The following MRTFB variants were observed in gnomAD, a reference collection of about 807,000 sequenced individuals.
MRTFB encodes myocardin-related transcription factor B.
MRTFB carries 29 observed loss-of-function variants against 104.2 expected under a neutral mutation model. That is an observed-to-expected ratio of 0.28 (90% CI 0.21 to 0.38). MRTFB has a LOEUF of 0.38. MRTFB is among the 10% of genes least tolerant of loss of function. The probability of loss-of-function intolerance (pLI) is 1.00; values close to 1 mark genes in which losing one functional copy is unlikely to be tolerated. For synonymous variants in MRTFB, 535 were observed against 519.5 expected (o/e 1.03, Z -0.41); for missense variants, 1,270 against 1,341.6 (o/e 0.95, Z 0.83).
chr16:14,232,653 G>A (rs1476524086), intron 8 of MRTFB, among the ~76,000 whole-genome samples: 1 of 152,198 alleles, frequency 6.6e-6, no homozygotes, highest in East Asian at 1.9e-4. Flanking sequence ...GCTGACAAGG[G>A]CATGCACGAT....
intron 2 of MRTFB, among the ~76,000 whole-genome samples, chr16:14,097,346 A>G (rs771853052): frequency 6.6e-6 from 1 of 152,242 alleles, no homozygotes; most frequent in Admixed American, 6.5e-5. Context: ...TGAAGCTAAT[A>G]AACAGACCAC....
the MRTFB span, among the ~76,000 whole-genome samples, chr16:14,003,828 G>A: frequency 2.0e-5 from 3 of 152,146 alleles, no homozygotes; most frequent in Non-Finnish European, 2.9e-5. Flanking sequence ...GAGACGATAG[G>A]GAATGGTGAG....
intron 13 of MRTFB, among the ~76,000 whole-genome samples, chr16:14,251,103 G>A (rs889544077): frequency 6.6e-5 from 10 of 152,098 alleles, no homozygotes; most frequent in Admixed American, 4.6e-4. Flanking sequence ...TAGGCCGGGC[G>A]CGGTGGCTCA....
chr16:14,179,021 G>T (rs537073733), intron 3 of MRTFB, among the ~76,000 whole-genome samples: 4 of 152,200 alleles, frequency 2.6e-5, no homozygotes, highest in African/African-American at 9.6e-5. Context: ...GGAATTACAG[G>T]CATGAGCCAC....
intron 3 of MRTFB, among the ~76,000 whole-genome samples, chr16:14,173,425 A>G (rs1197493407): frequency 6.6e-6 from 1 of 152,122 alleles, no homozygotes; most frequent in Non-Finnish European, 1.5e-5. Context: ...TTTCTTCCTA[A>G]GAGTTTTTAT....
intron 2 of MRTFB, among the ~76,000 whole-genome samples, chr16:14,131,474 AT>A (rs563997491): frequency 6.6e-6 from 1 of 152,022 alleles, no homozygotes; most frequent in Non-Finnish European, 1.5e-5. Context: ...TCAAAATTAA[AT>A]TTTTTTTGTC....
chr16:14,117,155 C>T (rs1218484902), intron 2 of MRTFB, among the ~76,000 whole-genome samples: 2 of 152,346 alleles, frequency 1.3e-5, no homozygotes, highest in East Asian at 3.9e-4. Flanking sequence ...GGAATTATTT[C>T]CTGCCTTAGA....
At chr16:14,039,883 G>T in the MRTFB span, among the ~76,000 whole-genome samples, 3 of 151,504 alleles carry the variant, frequency 2.0e-5, no homozygotes, top group Non-Finnish European at 2.9e-5. Flanking sequence ...CAAGTAGCTG[G>T]GATTACAGGC....
chr16:14,200,328 C>G, intron 3 of MRTFB: 1 of 1,607,220 alleles, frequency 6.2e-7, no homozygotes, highest in Non-Finnish European at 8.5e-7. Flanking sequence ...TGACGTGGCT[C>G]CCGGAAGTAA....
chr16:14,189,541 A>G (rs370227091), intron 3 of MRTFB, among the ~76,000 whole-genome samples: 18 of 152,246 alleles, frequency 1.2e-4, no homozygotes, highest in African/African-American at 3.9e-4. Flanking sequence ...GACTATTAAT[A>G]ATCCCTAATA....
At chr16:14,087,673 T>C (rs2034804720) in intron 2 of MRTFB, among the ~76,000 whole-genome samples, 1 of 152,246 alleles carries the variant, frequency 6.6e-6, no homozygotes, top group Non-Finnish European at 1.5e-5. Context: ...TCTGCTCTAA[T>C]GTAACAAAGT....
At chr16:14,167,153 G>A (rs574849105) in intron 3 of MRTFB, among the ~76,000 whole-genome samples, 3 of 152,150 alleles carry the variant, frequency 2.0e-5, no homozygotes, top group South Asian at 2.1e-4. Context: ...CTATTTCTCC[G>A]CAGCCTTACC....
Position 14,261,136 on chromosome 16 carries a change from C to G in MRTFB, c.2992C>G (p.Pro998Ala), listed in dbSNP as rs1452448918. The change falls in exon 17 of 17, where the codon CCA (proline) becomes GCA (alanine). Residue 998 changes from proline (P) to alanine (A), a missense_variant. Transcript: ENST00000571589. ...GTLPSANEIPPLQSSSEDREP... is the reference protein window; with the variant it reads ...GTLPSANEIPALQSSSEDREP... ...TTTACCCTCAGCCAATGAAATTCCT[C>G]CACTACAAAGCAGCAGTGAAGACAG... 2 of 1,614,206 alleles carry G rather than the reference C, an allele frequency of 1.2e-6. No individual in the cohort carries two copies. The highest frequency in any genetic ancestry group is 1.6e-4 in the Middle Eastern group (1 of 6,062).
At chr16:14,036,148 A>AT in the MRTFB span, among the ~76,000 whole-genome samples, 7 of 10,534 alleles carry the variant, frequency 6.6e-4, no homozygotes, top group South Asian at 4.3e-3. Context: ...TTATATATAT[A>AT]ATATATATTA....
intron 9 of MRTFB, among the ~76,000 whole-genome samples, chr16:14,234,493 G>A (rs1279949209): frequency 2.0e-5 from 3 of 152,130 alleles, no homozygotes; most frequent in Non-Finnish European, 2.9e-5. Context: ...ACAAATTTTG[G>A]TCTACTTAAA....
intron 2 of MRTFB, among the ~76,000 whole-genome samples, chr16:14,120,520 G>A (rs1011158898): frequency 6.6e-6 from 1 of 152,114 alleles, no homozygotes; most frequent in Non-Finnish European, 1.5e-5. Flanking sequence ...GGTTGCACAA[G>A]CCAGTGTCAC....
chr16:14,087,310 A>T (rs891603572), intron 2 of MRTFB, among the ~76,000 whole-genome samples: 3 of 152,146 alleles, frequency 2.0e-5, no homozygotes, highest in Non-Finnish European at 2.9e-5. Context: ...TAGGTTAAGG[A>T]TATGTACTGA....
the MRTFB span, among the ~76,000 whole-genome samples, chr16:14,035,720 A>G: frequency 2.0e-5 from 3 of 151,622 alleles, no homozygotes; most frequent in East Asian, 1.9e-4. Flanking sequence ...TGATTTCCAT[A>G]TAATTATTTC....
the MRTFB span, among the ~76,000 whole-genome samples, chr16:14,065,389 TC>T: frequency 2.0e-5 from 3 of 152,176 alleles, no homozygotes; most frequent in African/African-American, 7.2e-5. Context: ...GTATAAAATC[TC>T]ATATTATCTT....
Sources: gnomAD v4.1 joint callset for allele counts (sites outside exome capture counted in the v4.1 genomes callset) on GRCh38, gnomAD v4.1.1 for gene constraint, MANE v1.5 for transcripts, NCBI Gene and HGNC (gene_info 2026-07-23, HGNC 2026-07-21) for gene names.